RPL26: variants seen among roughly 807,000 people sequenced by gnomAD.
RPL26 encodes the protein ribosomal protein L26.
A neutral mutation model predicts 16.2 loss-of-function variants in RPL26; 1 was observed. The observed-to-expected ratio is 0.06, with a 90% CI of 0.02 to 0.29. The LOEUF is 0.29. Ranked by LOEUF, RPL26 falls within the 10% of genes least tolerant of loss-of-function variation. RPL26 has a pLI of 1.00. For synonymous variants in RPL26, 55 were observed against 62.4 expected (o/e 0.88, Z 0.56); for missense variants, 102 against 184.3 (o/e 0.55, Z 2.58).
chr17:8,382,701 C>A, intron 1 of RPL26: 1 of 293,816 alleles, frequency 3.4e-6, no homozygotes, highest in Non-Finnish European at 6.2e-6. Flanking sequence ...TTAGAAGGTA[C>A]AATCAACGTT....
In RPL26 at chr17:8,379,930, G is replaced by A; in HGVS notation, c.175C>T (p.Arg59Cys). Residue 59 changes from arginine (R) to cysteine (C), a missense_variant, in exon 3 of 4, where the codon CGT becomes TGT. Arg to Cys is a radical substitution (Grantham distance 180). Transcript: ENST00000648839. ...IRKDDEVQVV[R>C]GHYKGQQIGK... ...ATTTGCTGACCTTTATAGTGTCCAC[G>A]TACAACCTAAGAGCAAATTCAAAAG... 1.2e-6 allele frequency: 2 copies of A among 1,607,272 alleles called. No homozygotes were observed. The highest frequency in any genetic ancestry group is 2.2e-5 in the East Asian group (1 of 44,842).
intron 2 of RPL26, among the ~76,000 whole-genome samples, chr17:8,381,489 C>T (rs1285065797): frequency 8.5e-5 from 13 of 152,158 alleles, no homozygotes; most frequent in Admixed American, 8.5e-4. Context: ...GATTTTCGGG[C>T]AGGATCCCCA....
At chr17:8,380,371 A>G (rs1344230236) in intron 2 of RPL26, among the ~76,000 whole-genome samples, 1 of 152,218 alleles carries the variant, frequency 6.6e-6, no homozygotes, top group Non-Finnish European at 1.5e-5. Flanking sequence ...CAAGTTTAGC[A>G]CTACTGCAGC....
intron 2 of RPL26, chr17:8,381,849 AAC>A: frequency 3.8e-6 from 1 of 265,378 alleles, no homozygotes; most frequent in Non-Finnish European, 7.2e-6. Context: ...GAATCGCCTG[AAC>A]CCGGGAGGCG....
At chr17:8,378,512 C>T (rs889352755) in intron 3 of RPL26, among the ~76,000 whole-genome samples, 1 of 147,036 alleles carries the variant, frequency 6.8e-6, no homozygotes, top group African/African-American at 2.5e-5. Flanking sequence ...AAACCCCACC[C>T]CCAAACAGAA....
At chr17:8,380,040 A>G (rs1423488412) in intron 2 of RPL26, 104 bp from the exon 3 acceptor site, 4 of 982,790 alleles carry the variant, frequency 4.1e-6, no homozygotes, top group African/African-American at 3.3e-5. Context: ...ATTATATTAA[A>G]AGGTTAAAAA....
intron 2 of RPL26, chr17:8,381,844 G>A (rs754741147): frequency 3.1e-5 from 8 of 256,392 alleles, no homozygotes; most frequent in African/African-American, 4.8e-5. Context: ...CAGGAGAATC[G>A]CCTGAACCCG....
chr17:8,378,258 G>GT (rs1028112804), intron 3 of RPL26, among the ~76,000 whole-genome samples: 2 of 152,082 alleles, frequency 1.3e-5, no homozygotes, highest in Non-Finnish European at 2.9e-5. Flanking sequence ...TGGAACCCTG[G>GT]GGGGGCGGAG....
chr17:8,382,063 TTCTC>T, intron 2 of RPL26, 76 bp downstream of exon 2: 1 of 1,281,810 alleles, frequency 7.8e-7, no homozygotes, highest in East Asian at 2.4e-5. Flanking sequence ...AGAAGCATCT[TTCTC>T]AGGAATGCAA....
chr17:8,380,461 T>C (rs1030416637), intron 2 of RPL26: 6 of 154,004 alleles, frequency 3.9e-5, no homozygotes, highest in African/African-American at 1.4e-4. Context: ...TGAAAAAATA[T>C]TGATGGTGTG....
rs747386536 is a variant in RPL26 at position 8,382,214 on chromosome 17, G to A, written c.97C>T (p.Pro33Ser). Residue 33 changes from proline to serine, a missense_variant, in exon 2 of 4, where the codon CCT becomes TCT. Pro to Ser is a moderately conservative substitution (Grantham distance 74, BLOSUM62 -1). Coordinates refer to ENST00000648839, the MANE Select transcript of RPL26 (RefSeq NM_000987.5). ...SHIRRKIMSS[P>S]LSKELRQKYN... The stretch of plus-strand genomic sequence containing the variant: ...TTCTGTCTCAGCTCTTTGGAAAGAG[G>A]GGAAGACATAATCTTCCTTCGAATG... The A allele has an allele frequency of 8.7e-6, 14 of 1,613,426 alleles. No individual in the cohort carries two copies. The highest frequency in any genetic ancestry group is 4.0e-5 in the African/African-American group (3 of 74,902).
chr17:8,379,054 C>A (rs1295284133), intron 3 of RPL26: 2 of 152,142 alleles, frequency 1.3e-5, no homozygotes, highest in East Asian at 1.9e-4. Flanking sequence ...GGGTCATAAG[C>A]CCTAATTTTG....
chr17:8,382,531 C>T (rs1907471702), intron 1 of RPL26: 1 of 494,272 alleles, frequency 2.0e-6, no homozygotes, highest in Non-Finnish European at 3.6e-6. Flanking sequence ...TATATGTTTA[C>T]GGACTAAAGA....
At chr17:8,382,361 C>A (rs763257971) in intron 1 of RPL26, 46 bp from the exon 2 acceptor site, 1 of 1,370,582 alleles carries the variant, frequency 7.3e-7, no homozygotes, top group Non-Finnish European at 1.0e-6. Flanking sequence ...AAATCTCATC[C>A]AGCTTCCAAA....
intron 2 of RPL26, 188 bp from the exon 3 acceptor site, chr17:8,380,124 G>A (rs1021414521): frequency 1.2e-5 from 7 of 569,928 alleles, no homozygotes; most frequent in South Asian, 4.9e-5. Context: ...AGCAGCAACA[G>A]ACCAAGAGTA....
chr17:8,381,924 T>G (rs1363664187), intron 2 of RPL26: 8 of 359,716 alleles, frequency 2.2e-5, no homozygotes, highest in Non-Finnish European at 4.7e-6. Context: ...AGAGCGAGAC[T>G]TCATCTCAAA....
At chr17:8,379,973 A>G (rs1402208176) in intron 2 of RPL26, 37 bp from the exon 3 acceptor site, 1 of 1,559,630 alleles carries the variant, frequency 6.4e-7, no homozygotes, top group Admixed American at 1.7e-5. Context: ...TATTTGAATA[A>G]AAGATTAACC....
rs1170853844 is a variant in RPL26 at position 8,379,861 on chromosome 17, T to C, written c.244A>G (p.Ile82Val). ...QVYRKKYVIY[I>V]ERVQREKANG... The stretch of plus-strand genomic sequence containing the variant: ...GCCTTTTCCCGCTGCACCCGTTCAA[T>C]GTAGATAACATATTTCTTCCTGTAA... The change falls in exon 3 of 4, where the codon ATT (isoleucine) becomes GTT (valine). Residue 82 changes from isoleucine (I) to valine (V), a missense_variant. Coordinates refer to ENST00000648839, the MANE Select transcript of RPL26 (RefSeq NM_000987.5). The C allele has an allele frequency of 1.2e-6, 2 of 1,613,610 alleles. No individual in the cohort carries two copies. Among genetic ancestry groups the C allele is most frequent in the East Asian group, 4.5e-5 (2 of 44,898 alleles).
In RPL26 at chr17:8,379,871, A is replaced by G. The variant is rs889175678; in HGVS notation, c.234T>C (p.Tyr78=). 1.2e-5 allele frequency: 20 copies of G among 1,613,594 alleles called. No individual in the cohort carries two copies. The East Asian group carries it at 1.6e-4, about 13-fold the overall frequency. The change falls in exon 3 of 4, where the codon TAT becomes TAC. Residue 78 remains tyrosine, a synonymous_variant. Transcript: ENST00000648839. ...GCTGCACCCGTTCAATGTAGATAACATATTTCTTCCTGTAAACCTGGACTA... is the reference window on the plus strand; with the variant it reads ...GCTGCACCCGTTCAATGTAGATAACGTATTTCTTCCTGTAAACCTGGACTA... ...GKVVQVYRKK[Y]VIYIERVQRE...
Sources: allele counts gnomAD v4.1 joint callset (sites outside exome capture counted in the v4.1 genomes callset), GRCh38; gene constraint gnomAD v4.1.1; transcripts MANE v1.5; gene names NCBI Gene and HGNC (gene_info 2026-07-23, HGNC 2026-07-21).